The following EIF3H variants were observed in gnomAD, a reference collection of about 807,000 sequenced individuals.
EIF3H encodes the protein eIF-3-gamma.
Under a neutral mutation model 44.2 loss-of-function variants are expected in EIF3H, and 26 were observed. That is an observed-to-expected ratio of 0.59 (90% CI 0.43 to 0.82). The LOEUF is 0.82. EIF3H is among the 40% of genes least tolerant of loss of function. The pLI, the probability that EIF3H is intolerant of heterozygous loss-of-function variation, is 0.00. For synonymous variants in EIF3H, 166 were observed against 151.9 expected (o/e 1.09, Z -0.68); for missense variants, 359 against 432.8 (o/e 0.83, Z 1.51).
chr8:116,679,536 G>T (rs1813928266), intron 2 of EIF3H, among the ~76,000 whole-genome samples: 2 of 14,280 alleles, frequency 1.4e-4, no homozygotes, highest in African/African-American at 4.5e-4. Context: ...GGAGGGAGGT[G>T]GGGGGGTCAG....
At chr8:116,697,666 G>A (rs1814292343) in intron 2 of EIF3H, among the ~76,000 whole-genome samples, 1 of 152,064 alleles carries the variant, frequency 6.6e-6, no homozygotes, top group Non-Finnish European at 1.5e-5. Flanking sequence ...CTGAGTAATG[G>A]TTTATGTTTC....
At chr8:116,654,796 G>A (rs183535946) in intron 5 of EIF3H, among the ~76,000 whole-genome samples, 19 of 152,184 alleles carry the variant, frequency 1.2e-4, no homozygotes, top group Admixed American at 4.6e-4. Context: ...GGAAGGCGGC[G>A]CTTCAACCAC....
chr8:116,702,504 A>G (rs1366469438), intron 2 of EIF3H, among the ~76,000 whole-genome samples: 2 of 152,228 alleles, frequency 1.3e-5, no homozygotes, highest in Non-Finnish European at 2.9e-5. Context: ...CTTACTCCAC[A>G]GAGTGAGATA....
chr8:116,692,892 A>G (rs1217603962), intron 2 of EIF3H, among the ~76,000 whole-genome samples: 2 of 152,178 alleles, frequency 1.3e-5, no homozygotes, highest in Non-Finnish European at 2.9e-5. Context: ...ACTGGCACAA[A>G]GCTTAATTTT....
At chr8:116,766,371 G>T (rs754708875), upstream of EIF3H, 26 of 431,592 alleles carry the variant, frequency 6.0e-5, no homozygotes, top group Non-Finnish European at 1.0e-4. Context: ...TCCAGCGTAC[G>T]CACAAGTTCC....
At chr8:116,654,781 G>A (rs920787443) in intron 5 of EIF3H, among the ~76,000 whole-genome samples, 1 of 152,108 alleles carries the variant, frequency 6.6e-6, no homozygotes, top group African/African-American at 2.4e-5. Flanking sequence ...ATCAATTAAC[G>A]CAATGGAAGG....
chr8:116,675,335 C>T (rs933334348), intron 2 of EIF3H, among the ~76,000 whole-genome samples: 4 of 152,218 alleles, frequency 2.6e-5, no homozygotes, highest in Non-Finnish European at 4.4e-5. Context: ...TACAGATCCA[C>T]ATTCCATTTT....
rs184160423 is a variant in EIF3H at position 116,731,337 on chromosome 8, C to T, written c.133-5165G>A. Among the ~76,000 whole-genome samples the T allele has an allele frequency of 3.5e-3, 530 of 152,268 alleles. 6 individuals are homozygous for T. The highest frequency in any genetic ancestry group is 5.8e-3 in the Admixed American group (89 of 15,286). On this transcript the variant is annotated intron_variant, in intron 1 of 7. Transcript: ENST00000521861. ...CTGAAATTCAGCTAACTGATACCGG[C>T]TGGGTTCCTATACTGGGTTTGGTAG... is the stretch of plus-strand genomic sequence containing the variant.
At position 116,644,486 on chromosome 8, in the gene EIF3H, C is replaced by T. The variant is rs34060344; in HGVS notation, c.*520G>A. On this transcript the variant is annotated 3_prime_UTR_variant, in exon 8 of 8. Coordinates refer to ENST00000521861, the MANE Select transcript of EIF3H (RefSeq NM_003756.3). ...TGCAGAAATGAAAAGGCAGACTGAC[C>T]GGAATTAGGCCAAGTGATTCCGGGT... is the stretch of plus-strand genomic sequence containing the variant. The T allele has an allele frequency of 1.6e-3, 248 of 153,400 alleles. No individual in the cohort carries two copies. Among genetic ancestry groups the T allele is most frequent in the Non-Finnish European group, 2.6e-3 (177 of 68,930 alleles). The allele number at this position is 153,400 out of a possible 1,614,324, so 9.5% of individuals were successfully genotyped here.
chr8:116,673,008 CAAA>C (rs1200483863), intron 2 of EIF3H, among the ~76,000 whole-genome samples: 1 of 103,906 alleles, frequency 9.6e-6, no homozygotes. Context: ...AATAAAATTA[CAAA>C]AAAAAAAAAA....
chr8:116,700,396 AT>A (rs1202452731), intron 2 of EIF3H, among the ~76,000 whole-genome samples: 12 of 151,936 alleles, frequency 7.9e-5, no homozygotes, highest in Admixed American at 7.9e-4. Flanking sequence ...ACATTATAAG[AT>A]TTTTTTCTTT....
Position 116,726,091 on chromosome 8 carries a change from C to A in EIF3H, c.214G>T (p.Val72Leu), listed in dbSNP as rs763229167. The A allele has an allele frequency of 3.1e-6, 5 of 1,614,022 alleles. No homozygotes were observed. Among genetic ancestry groups the A allele is most frequent in the Admixed American group, 3.3e-5 (2 of 59,998 alleles). ...VVQGVLLGLV[V>L]EDRLEITNCF... is the part of the protein sequence containing the mutation. ...TTGGTAATTTCAAGCCGATCTTCTA[C>A]AACCAGACCCAAAAGCACTCCTTGA... The change falls in exon 2 of 8, where the codon GTA (valine) becomes TTA (leucine). Residue 72 changes from valine to leucine, a missense_variant. Physicochemically the swap from Val to Leu is conservative, Grantham distance 32. Around this residue, in one of 5 missense-constraint regions of EIF3H, gnomAD observed 91 missense variants for 164.6 expected, o/e 0.55. Transcript: ENST00000521861.
chr8:116,645,184 C>T, intron 7 of EIF3H, 81 bp from the exon 8 acceptor site: 1 of 1,032,156 alleles, frequency 9.7e-7, no homozygotes, highest in South Asian at 1.4e-5. Context: ...ACAGAAAAAT[C>T]AGCATAAAAC....
At chr8:116,723,844 A>C (rs1436471366) in intron 2 of EIF3H, among the ~76,000 whole-genome samples, 1 of 152,230 alleles carries the variant, frequency 6.6e-6, no homozygotes, top group African/African-American at 2.4e-5. Context: ...ATAAATGGAA[A>C]GAAAAGCCAT....
intron 2 of EIF3H, among the ~76,000 whole-genome samples, chr8:116,696,700 G>T (rs72681701): frequency 0.041 from 6,156 of 151,174 alleles, 143 homozygotes; most frequent in South Asian, 0.088. Flanking sequence ...AATAGTGGGG[G>T]TTTTTTTTTG....
intron 6 of EIF3H, among the ~76,000 whole-genome samples, chr8:116,647,431 G>A (rs1586429662): frequency 6.6e-6 from 1 of 152,174 alleles, no homozygotes; most frequent in South Asian, 2.1e-4. Context: ...ATAATTGTCT[G>A]TACCTTAGCT....
exon 1 of EIF3H, chr8:116,765,632 T>G (rs1238439829): frequency 6.6e-6 from 1 of 152,258 alleles, no homozygotes; most frequent in East Asian, 1.9e-4. Context: ...TGTGCCTTCC[T>G]GTTACTGGCC....
intron 2 of EIF3H, among the ~76,000 whole-genome samples, chr8:116,718,967 TTG>T (rs1233200963): frequency 1.2e-4 from 18 of 152,102 alleles, no homozygotes; most frequent in Non-Finnish European, 2.6e-4. Context: ...AAAATGCTAA[TTG>T]TGATAAAAAC....
intron 2 of EIF3H, among the ~76,000 whole-genome samples, chr8:116,698,839 G>A (rs1409740276): frequency 2.0e-5 from 3 of 152,028 alleles, no homozygotes; most frequent in Admixed American, 2.0e-4. Context: ...AAGAAACAGA[G>A]GTGGAGCTGT....
Sources: gnomAD v4.1 joint callset for allele counts (sites outside exome capture counted in the v4.1 genomes callset) on GRCh38, gnomAD v4.1.1 for gene constraint, gnomAD v4.1.1 regional missense constraint, MANE v1.5 for transcripts, NCBI Gene and HGNC (gene_info 2026-07-23, HGNC 2026-07-21) for gene names.